The following AGMO variants were observed in gnomAD, a reference collection of about 807,000 sequenced individuals.
AGMO encodes glyceryl-ether monooxygenase.
In AGMO, 75 loss-of-function variants were observed where a neutral mutation model predicts 60.2. The ratio of observed to expected loss-of-function variants is 1.25; its 90% CI spans 1.03 to 1.51. The LOEUF (loss-of-function observed/expected upper bound fraction) is 1.51, where lower values mean the gene tolerates loss of function less well. AGMO is among the 40% of genes most tolerant of loss of function. The pLI is 0.00. For missense variants in AGMO, 763 were observed against 525.5 expected (o/e 1.45, Z -4.42); for synonymous variants, 261 against 177.1 (o/e 1.47, Z -3.76).
At chr7:15,128,050 T>C in the AGMO span, among the ~76,000 whole-genome samples, 4 of 152,066 alleles carry the variant, frequency 2.6e-5, no homozygotes, top group Non-Finnish European at 5.9e-5. Context: ...AAGGTTCATA[T>C]TGAATTTTGT....
chr7:15,118,401 C>T, the AGMO span, among the ~76,000 whole-genome samples: 3 of 151,864 alleles, frequency 2.0e-5, no homozygotes, highest in East Asian at 1.9e-4. Flanking sequence ...GACAGAGAAG[C>T]TATATTCTCC....
chr7:15,280,410 C>T (rs145166634), intron 12 of AGMO, among the ~76,000 whole-genome samples: 1 of 152,292 alleles, frequency 6.6e-6, no homozygotes, highest in Non-Finnish European at 1.5e-5. Context: ...GTCCAGAGAA[C>T]TGCCCCCTCA....
At chr7:15,546,603 G>A (rs1784788601) in intron 2 of AGMO, among the ~76,000 whole-genome samples, 2 of 152,248 alleles carry the variant, frequency 1.3e-5, no homozygotes, top group Admixed American at 1.3e-4. Context: ...TGTAGACAGA[G>A]CTGGGGCTAG....
chr7:15,268,473 A>T (rs1340266476), intron 12 of AGMO, among the ~76,000 whole-genome samples: 1 of 152,052 alleles, frequency 6.6e-6, no homozygotes, highest in African/African-American at 2.4e-5. Flanking sequence ...AGAAAAATGT[A>T]TGCATGCATT....
At chr7:15,294,555 G>C (rs1189675485) in intron 12 of AGMO, among the ~76,000 whole-genome samples, 1 of 151,756 alleles carries the variant, frequency 6.6e-6, no homozygotes, top group Non-Finnish European at 1.5e-5. Context: ...TGTGCGACAT[G>C]TATTTTTAAA....
intron 12 of AGMO, among the ~76,000 whole-genome samples, chr7:15,350,454 G>A (rs191814088): frequency 1.0e-3 from 156 of 152,228 alleles, no homozygotes; most frequent in African/African-American, 3.5e-3. Flanking sequence ...GTTATTAGAG[G>A]TAGATAAGAG....
intron 4 of AGMO, among the ~76,000 whole-genome samples, chr7:15,430,251 T>G (rs1413581891): frequency 6.6e-6 from 1 of 151,974 alleles, no homozygotes; most frequent in Non-Finnish European, 1.5e-5. Context: ...AATAAATAGC[T>G]TATTGATTTT....
Position 15,297,854 on chromosome 7 carries a change from T to A in AGMO, c.1263+67660A>T, listed in dbSNP as rs540933383. Among the ~76,000 whole-genome samples, 7 of 152,244 alleles carry A rather than the reference T, an allele frequency of 4.6e-5. No individual in the cohort carries two copies. The South Asian group carries it at 1.4e-3, about 32-fold the overall frequency. On this transcript the variant is annotated intron_variant, in intron 12 of 12. Coordinates refer to ENST00000342526, the MANE Select transcript of AGMO (RefSeq NM_001004320.2). ...TGAGGTTTGTATAAAGAATAAATAATAGATATTGAACTAACATAAAATCCA... is the reference window on the plus strand; with the variant it reads ...TGAGGTTTGTATAAAGAATAAATAAAAGATATTGAACTAACATAAAATCCA...
intron 12 of AGMO, among the ~76,000 whole-genome samples, chr7:15,249,499 CTCT>C: frequency 6.6e-6 from 1 of 152,202 alleles, no homozygotes; most frequent in Non-Finnish European, 1.5e-5. Flanking sequence ...TATCCCATAT[CTCT>C]TGTTTTGAGG....
intron 9 of AGMO, among the ~76,000 whole-genome samples, chr7:15,385,805 A>G (rs1281392036): frequency 6.6e-6 from 1 of 152,192 alleles, no homozygotes; most frequent in Admixed American, 6.6e-5. Flanking sequence ...GCAAATAATA[A>G]AGAGAGCCAA....
At chr7:15,429,418 C>T (rs1484420588) in intron 4 of AGMO, among the ~76,000 whole-genome samples, 2 of 151,968 alleles carry the variant, frequency 1.3e-5, no homozygotes, top group African/African-American at 4.8e-5. Flanking sequence ...ATAAGAATTA[C>T]GTTGTCACAA....
intron 10 of AGMO, among the ~76,000 whole-genome samples, chr7:15,381,405 C>A (rs1277830648): frequency 2.0e-5 from 3 of 149,456 alleles, no homozygotes; most frequent in African/African-American, 7.7e-5. Context: ...ACATGCAGGC[C>A]ACAATCATAT....
At position 15,247,699 on chromosome 7, in the gene AGMO, C is replaced by G. The variant is rs564432753; in HGVS notation, c.1264-46340G>C. On this transcript the variant is annotated intron_variant, in intron 12 of 12. Transcript: ENST00000342526. ...AACTAATAACAAAATATTTTCCCAACATGACTAAATTATATCACTTTATTA... is the reference window on the plus strand; with the variant it reads ...AACTAATAACAAAATATTTTCCCAAGATGACTAAATTATATCACTTTATTA... Among the ~76,000 whole-genome samples, 243 of 152,148 alleles carry G rather than the reference C, an allele frequency of 1.6e-3. 1 individual carries two copies. Among genetic ancestry groups the G allele is most frequent in the African/African-American group, 5.5e-3 (228 of 41,514 alleles).
At position 15,270,596 on chromosome 7, in the gene AGMO, A is replaced by ATTTTTTTTTTT. The variant is rs527463907; in HGVS notation, c.1264-69248_1264-69238dup. The stretch of plus-strand genomic sequence containing the variant: ...ATTAAACAAATTTAATCTGTTGATA[A>ATTTTTTTTTTT]TTTTTTTTTTTTTTTTTTTTTTTTT... On this transcript the variant is annotated intron_variant, in intron 12 of 12. Transcript: ENST00000342526. 8.3e-4 allele frequency among the ~76,000 whole-genome samples: 40 copies of ATTTTTTTTTTT among 48,050 alleles called. 1 individual carries two copies. Among genetic ancestry groups the ATTTTTTTTTTT allele is most frequent in the East Asian group, 1.1e-3 (2 of 1,788 alleles). 31.5% of individuals were successfully genotyped at this position (48,050 alleles called of 152,430 possible).
chr7:15,247,451 C>CAGAGAGAGAGAGAGAG (rs1368429253), intron 12 of AGMO, among the ~76,000 whole-genome samples: 5 of 119,644 alleles, frequency 4.2e-5, no homozygotes, highest in South Asian at 2.7e-4. Flanking sequence ...CACACACACA[C>CAGAGAGAGAGAGAGAG]ACACACACAG....
chr7:15,518,302 C>A (rs1386173037), intron 3 of AGMO, among the ~76,000 whole-genome samples: 1 of 152,174 alleles, frequency 6.6e-6, no homozygotes. Context: ...GACCTCCTAG[C>A]ACAGCACTGG....
the AGMO span, among the ~76,000 whole-genome samples, chr7:15,128,377 C>T: frequency 6.6e-5 from 10 of 152,044 alleles, no homozygotes; most frequent in Admixed American, 5.9e-4. Context: ...AGAAGATATG[C>T]TGGGTGAATT....
At chr7:15,221,147 G>A (rs897390130) in intron 12 of AGMO, among the ~76,000 whole-genome samples, 21 of 152,104 alleles carry the variant, frequency 1.4e-4, no homozygotes, top group Non-Finnish European at 1.8e-4. Context: ...TGGGCTCACC[G>A]AAAATGTAGG....
chr7:15,253,564 T>A (rs369713152), intron 12 of AGMO, among the ~76,000 whole-genome samples: 4 of 152,248 alleles, frequency 2.6e-5, no homozygotes, highest in African/African-American at 9.6e-5. Context: ...CATCTTTTTT[T>A]AAAATGGACA....
Sources: allele counts gnomAD v4.1 joint callset (sites outside exome capture counted in the v4.1 genomes callset), GRCh38; gene constraint gnomAD v4.1.1; transcripts MANE v1.5; gene names NCBI Gene and HGNC (gene_info 2026-07-23, HGNC 2026-07-21).